The following TMEM14B variants were observed in gnomAD, a reference collection of about 807,000 sequenced individuals.
TMEM14B encodes transmembrane protein 14B.
In TMEM14B, 9 loss-of-function variants were observed where a neutral mutation model predicts 14.8. The observed-to-expected ratio is 0.61, with a 90% CI of 0.37 to 1.06. The LOEUF (loss-of-function observed/expected upper bound fraction) is 1.06, where lower values mean the gene tolerates loss of function less well. Among genes scored for constraint, TMEM14B ranks in the 50% least tolerant of loss-of-function variants. TMEM14B has a pLI of 0.01. For missense variants in TMEM14B, 128 were observed against 143.6 expected (o/e 0.89, Z 0.56); for synonymous variants, 40 against 51.3 (o/e 0.78, Z 0.94).
chr6:10,754,162 G>A (rs1771707698), intron 4 of TMEM14B, among the ~76,000 whole-genome samples: 1 of 152,182 alleles, frequency 6.6e-6, no homozygotes, highest in Non-Finnish European at 1.5e-5. Flanking sequence ...AGAGGTTGTA[G>A]TGAGCTGAGA....
intron 3 of TMEM14B, chr6:10,750,014 G>A: frequency 2.4e-6 from 1 of 418,664 alleles, no homozygotes; most frequent in Non-Finnish European, 4.5e-6. Flanking sequence ...CTGGGCTTAA[G>A]TAGGAGTCAA....
rs374259818 is a variant in TMEM14B, at chr6:10,747,806, A to G, written c.-120A>G. The G allele has an allele frequency of 3.9e-5, 6 of 152,548 alleles. No individual in the cohort carries two copies. The highest frequency in any genetic ancestry group is 1.2e-4 in the African/African-American group (5 of 41,482). 9.4% of individuals were successfully genotyped at this position (152,548 alleles called of 1,614,324 possible). On this transcript the variant is annotated 5_prime_UTR_variant, in exon 1 of 6. Transcript: ENST00000379542. ...GGCCCCGGGGCGCAGCGCGCACGCA[A>G]TCGCGTTTCCGGAGAGACCTGGCTG... is the stretch of plus-strand genomic sequence containing the variant.
upstream of TMEM14B, chr6:10,747,802 C>G (rs1194830281): frequency 7.2e-5 from 11 of 152,612 alleles, no homozygotes; most frequent in South Asian, 2.1e-4. Flanking sequence ...GCAGCGCGCA[C>G]GCAATCGCGT....
intron 3 of TMEM14B, among the ~76,000 whole-genome samples, chr6:10,750,293 G>C (rs1771497340): frequency 1.3e-5 from 2 of 151,852 alleles, no homozygotes; most frequent in African/African-American, 4.9e-5. Context: ...TGTTGTACTT[G>C]AGCGAGTTAG....
chr6:10,756,373 A>C, intron 5 of TMEM14B, 94 bp from the exon 6 acceptor site: 3 of 1,432,464 alleles, frequency 2.1e-6, no homozygotes, highest in Non-Finnish European at 2.9e-6. Context: ...TCCCCCACAC[A>C]GTTGTGAGGA....
intron 4 of TMEM14B, among the ~76,000 whole-genome samples, chr6:10,754,284 T>G (rs146545905): frequency 0.01 from 1,588 of 152,302 alleles, 24 homozygotes; most frequent in African/African-American, 0.036. Context: ...TTTAATAGCT[T>G]CTCATTGCTC....
At position 10,749,200 on chromosome 6, in the gene TMEM14B, A is replaced by G. The variant is rs773749762; in HGVS notation, c.-44-2A>G. On this transcript the variant is annotated splice_acceptor_variant, in intron 1 of 5. Coordinates refer to ENST00000379542, the MANE Select transcript of TMEM14B (RefSeq NM_030969.5). LOFTEE classifies it low-confidence loss of function (5UTR_SPLICE). ...ACTGCTGATCCGGCTTGTTTTCCCC[A>G]GATGCAGGCCTGGGGTAGTCTCCTT... The G allele has an allele frequency of 1.2e-6, 2 of 1,611,034 alleles. No homozygotes were observed. Among genetic ancestry groups the G allele is most frequent in the Non-Finnish European group, 1.7e-6 (2 of 1,177,584 alleles).
intron 3 of TMEM14B, among the ~76,000 whole-genome samples, chr6:10,750,883 T>C (rs1771525816): frequency 6.6e-6 from 1 of 151,982 alleles, no homozygotes; most frequent in African/African-American, 2.4e-5. Flanking sequence ...GGAGGGAAGA[T>C]GGCCTTCTTT....
chr6:10,752,406 G>A (rs1021437116), intron 4 of TMEM14B, among the ~76,000 whole-genome samples: 6 of 149,116 alleles, frequency 4.0e-5, no homozygotes, highest in African/African-American at 1.5e-4. Flanking sequence ...GTGGATCCCC[G>A]CATTGATATT....
downstream of TMEM14B, among the ~76,000 whole-genome samples, chr6:10,758,753 A>G (rs756352127): frequency 6.6e-6 from 1 of 152,172 alleles, no homozygotes; most frequent in Non-Finnish European, 1.5e-5. Context: ...CAGTTGATGC[A>G]TGAATCAGTT....
chr6:10,749,103 T>G, intron 1 of TMEM14B, 99 bp from the exon 2 acceptor site: 3 of 746,376 alleles, frequency 4.0e-6, no homozygotes, highest in Non-Finnish European at 7.0e-6. Context: ...TGAAGGATAC[T>G]GAGACTTAGG....
downstream of TMEM14B, among the ~76,000 whole-genome samples, chr6:10,757,230 C>T (rs1771837773): frequency 6.6e-6 from 1 of 151,784 alleles, no homozygotes; most frequent in African/African-American, 2.4e-5. Context: ...GGCAGTGGTA[C>T]AATCATATCT....
intron 4 of TMEM14B, among the ~76,000 whole-genome samples, chr6:10,753,232 G>A (rs977368156): frequency 3.3e-5 from 5 of 151,900 alleles, no homozygotes; most frequent in South Asian, 4.1e-4. Flanking sequence ...GCGAAACTCC[G>A]TTTCAAAAAA....
At chr6:10,759,501 G>C (rs751343634), downstream of TMEM14B, 16 of 152,164 alleles carry the variant, frequency 1.1e-4, no homozygotes, top group Admixed American at 2.0e-4. Flanking sequence ...GAGCATCTCA[G>C]CATTTAAAAT....
downstream of TMEM14B, among the ~76,000 whole-genome samples, chr6:10,758,031 CT>C (rs1771865106): frequency 6.6e-6 from 1 of 151,820 alleles, no homozygotes; most frequent in Non-Finnish European, 1.5e-5. Context: ...TTTACCCTAA[CT>C]GATACTGGTT....
intron 4 of TMEM14B, among the ~76,000 whole-genome samples, chr6:10,752,167 C>G (rs1011404512): frequency 6.6e-6 from 1 of 152,010 alleles, no homozygotes; most frequent in Non-Finnish European, 1.5e-5. Context: ...TTTTCCCTTT[C>G]TCTGATCCTA....
downstream of TMEM14B, chr6:10,758,909 C>CT (rs34333457): frequency 0.019 from 1,925 of 103,472 alleles, 172 homozygotes; most frequent in Non-Finnish European, 0.021. Flanking sequence ...AGATCTAATT[C>CT]TTTTTTTTTT....
downstream of TMEM14B, chr6:10,757,065 T>C (rs986777649): frequency 1.1e-5 from 10 of 895,934 alleles, no homozygotes; most frequent in African/African-American, 1.8e-4. Flanking sequence ...AAGTATTTTG[T>C]TGATATTTAG....
At chr6:10,748,563 A>G (rs1295985789) in intron 1 of TMEM14B, among the ~76,000 whole-genome samples, 3 of 152,164 alleles carry the variant, frequency 2.0e-5, no homozygotes, top group Non-Finnish European at 4.4e-5. Flanking sequence ...TAATTCTTTA[A>G]ACAGAATAAA....
Sources: gnomAD v4.1 joint callset for allele counts (sites outside exome capture counted in the v4.1 genomes callset) on GRCh38, gnomAD v4.1.1 for gene constraint, MANE v1.5 for transcripts, NCBI Gene and HGNC (gene_info 2026-07-23, HGNC 2026-07-21) for gene names.